ODC1: variants seen among roughly 807,000 people sequenced by gnomAD.
The protein encoded by ODC1 is ornithine decarboxylase 1.
In ODC1, 18 loss-of-function variants were observed where a neutral mutation model predicts 41.5. The ratio of observed to expected loss-of-function variants is 0.43; its 90% CI spans 0.30 to 0.64. The LOEUF is 0.64. Ranked by LOEUF, ODC1 falls within the 30% of genes least tolerant of loss-of-function variation. The probability of loss-of-function intolerance (pLI) is 0.11; values close to 1 mark genes in which losing one functional copy is unlikely to be tolerated. For missense variants in ODC1, 504 were observed against 589.0 expected (o/e 0.86, Z 1.49); for synonymous variants, 218 against 211.6 (o/e 1.03, Z -0.26).
At chr2:10,447,229 G>T (rs559460530) in intron 1 of ODC1, among the ~76,000 whole-genome samples, 2 of 152,286 alleles carry the variant, frequency 1.3e-5, no homozygotes, top group South Asian at 2.1e-4. Context: ...TTCTGTAACA[G>T]CTAAGTTATT....
intron 1 of ODC1, 73 bp from the exon 2 acceptor site, chr2:10,445,337 C>T (rs1465052528): frequency 3.0e-6 from 1 of 330,464 alleles, no homozygotes; most frequent in Non-Finnish European, 5.8e-6. Context: ...ACTGGCTGAG[C>T]ACACGCAGAG....
intron 5 of ODC1, 124 bp downstream of exon 5, chr2:10,443,971 A>G: frequency 6.9e-7 from 1 of 1,458,228 alleles, no homozygotes; most frequent in Admixed American, 2.1e-5. Flanking sequence ...TCATGACTCA[A>G]TGGGGGTTTC....
At chr2:10,446,191 T>C (rs1672007944) in intron 1 of ODC1, among the ~76,000 whole-genome samples, 2 of 149,144 alleles carry the variant, frequency 1.3e-5, no homozygotes. Context: ...TGGAGTGCAA[T>C]GGCATGATCT....
intron 1 of ODC1, chr2:10,447,388 CCAGA>C (rs1421159127): frequency 6.6e-6 from 1 of 152,242 alleles, no homozygotes; most frequent in Admixed American, 6.5e-5. Context: ...TTTGTCCTCC[CCAGA>C]CATTCCTGAG....
Position 10,442,156 on chromosome 2 carries a change from G to T in ODC1, c.769C>A (p.Pro257Thr). The T allele has an allele frequency of 6.2e-7, 1 of 1,606,774 alleles. No individual in the cohort carries two copies. Among genetic ancestry groups the T allele is most frequent in the Non-Finnish European group, 8.5e-7 (1 of 1,177,652 alleles). ...GACGGAAAGTATTTGTCCAACGCTG[G>T]GTTGATTACGCCGGTGATCTAAGAG... ...KFEEITGVIN[P>T]ALDKYFPSDS... The change falls in exon 9 of 12, where the codon CCA becomes ACA. Residue 257 changes from proline to threonine, a missense_variant. Transcript: ENST00000234111.
Position 10,444,659 on chromosome 2 carries a change from G to A in ODC1, c.103-12C>T. ...GCATCCTTATCATCCTGAAACAAGA[G>A]TGGTCACAGGTGACTCACTAGCAGC... On this transcript the variant is annotated splice_polypyrimidine_tract_variant and intron_variant, in intron 3 of 11. Coordinates refer to ENST00000234111, the MANE Select transcript of ODC1 (RefSeq NM_002539.3). 6.2e-7 allele frequency: 1 copy of A among 1,605,496 alleles called. No homozygotes were observed. Among genetic ancestry groups the A allele is most frequent in the Non-Finnish European group, 8.5e-7 (1 of 1,175,560 alleles).
chr2:10,442,919 C>T (rs902550672), intron 8 of ODC1, among the ~76,000 whole-genome samples: 1 of 152,060 alleles, frequency 6.6e-6, no homozygotes, highest in Admixed American at 6.5e-5. Flanking sequence ...CACTGTGTTG[C>T]CCAGGCTGGT....
intron 4 of ODC1, 96 bp downstream of exon 4, chr2:10,444,378 G>A: frequency 6.6e-7 from 1 of 1,505,810 alleles, no homozygotes; most frequent in Non-Finnish European, 8.9e-7. Flanking sequence ...CCTTTAGTGA[G>A]CATTTATTGC....
intron 11 of ODC1, among the ~76,000 whole-genome samples, chr2:10,441,300 A>C (rs895518297): frequency 6.6e-6 from 1 of 152,210 alleles, no homozygotes; most frequent in Non-Finnish European, 1.5e-5. Context: ...TTTGGTAATA[A>C]GGAAACCACA....
Position 10,448,327 on chromosome 2 carries a change from C to T in ODC1, c.-334G>A, listed in dbSNP as rs1672110286. On this transcript the variant is annotated 5_prime_UTR_variant, in exon 1 of 12. Coordinates refer to ENST00000234111, the MANE Select transcript of ODC1 (RefSeq NM_002539.3). ...CGGCGGCGGCTACAGGAGGGACTGA[C>T]AAAGCCCCACGGCACGCCGCTCCCT... 2 of 266,470 alleles carry T rather than the reference C, an allele frequency of 7.5e-6. No homozygotes were observed. The highest frequency in any genetic ancestry group is 7.1e-6 in the Non-Finnish European group (1 of 141,452). The allele number at this position is 266,470 out of a possible 1,614,324, so 16.5% of individuals were successfully genotyped here. A position where few individuals can be genotyped will look rare whatever the true frequency, so the allele number is the denominator to read the frequency against.
rs777256329 is a variant in ODC1 at position 10,441,997 on chromosome 2, G to A, written c.913+15C>T. On this transcript the variant is annotated intron_variant, in intron 9 of 11. Transcript: ENST00000234111. ...CTTTCAGTTATACATGAAGTGATTC[G>A]TCCTTTATACATACCATCAGAGCCC... is the stretch of plus-strand genomic sequence containing the variant. 6.8e-6 allele frequency: 11 copies of A among 1,612,936 alleles called. No individual in the cohort carries two copies. Among genetic ancestry groups the A allele is most frequent in the Admixed American group, 6.7e-5 (4 of 59,964 alleles).
chr2:10,446,527 C>A (rs1672019931), intron 1 of ODC1, among the ~76,000 whole-genome samples: 2 of 152,166 alleles, frequency 1.3e-5, no homozygotes, highest in African/African-American at 4.8e-5. Context: ...CTCGTATTTG[C>A]TTAGCTATGA....
rs776780512 is a variant in ODC1 at position 10,443,839 on chromosome 2, A to C, written c.450-3T>G. ...CAGTGGCAATCCGCAAAACCAACCT[A>C]CAAGCAAGGAAAGTGCAGCAAATGT... is the stretch of plus-strand genomic sequence containing the variant. On this transcript the variant is annotated splice_polypyrimidine_tract_variant and splice_region_variant and intron_variant, in intron 5 of 11. Transcript: ENST00000234111. 1 of 1,613,328 alleles carries C rather than the reference A, an allele frequency of 6.2e-7. No homozygotes were observed. Among genetic ancestry groups the C allele is most frequent in the African/African-American group, 1.3e-5 (1 of 74,918 alleles).
intron 4 of ODC1, 74 bp from the exon 5 acceptor site, chr2:10,444,341 T>C (rs1671941310): frequency 6.6e-7 from 1 of 1,516,256 alleles, no homozygotes; most frequent in Non-Finnish European, 8.9e-7. Context: ...GCATGGGAAG[T>C]TGTCATGTAC....
chr2:10,442,935 ACTCCTGGG>A (rs1174351264), intron 8 of ODC1, among the ~76,000 whole-genome samples: 1 of 148,724 alleles, frequency 6.7e-6, no homozygotes, highest in Non-Finnish European at 1.5e-5. Flanking sequence ...CTGGTCTCAA[ACTCCTGGG>A]CTCAAGTGAT....
Position 10,448,303 on chromosome 2 carries a change from G to C in ODC1, c.-310C>G. The C allele has an allele frequency of 3.9e-6, 1 of 255,074 alleles. No individual in the cohort carries two copies. Among genetic ancestry groups the C allele is most frequent in the East Asian group, 6.7e-5 (1 of 14,866 alleles). The allele number at this position is 255,074 out of a possible 1,614,324, so 15.8% of individuals were successfully genotyped here. ...TGGCAGAGGGGCGGCGGGCGGCGGC[G>C]GCGGCGGCTACAGGAGGGACTGACA... On this transcript the variant is annotated 5_prime_UTR_variant, in exon 1 of 12. Coordinates refer to ENST00000234111, the MANE Select transcript of ODC1 (RefSeq NM_002539.3).
chr2:10,440,939 C>T (rs1671799804), intron 11 of ODC1, 71 bp from the exon 12 acceptor site: 5 of 1,524,754 alleles, frequency 3.3e-6, no homozygotes, highest in East Asian at 2.3e-5. Flanking sequence ...ATTTACTTCC[C>T]ATCAGGAAAC....
chr2:10,440,860 A>G lies in ODC1; in HGVS notation c.1250T>C (p.Met417Thr). ...YVMSGPAWQLMQQFQNPDFPP... is the reference protein window; with the variant it reads ...YVMSGPAWQLTQQFQNPDFPP... ...GAAGTCGGGGTTCTGGAATTGCTGC[A>G]TGAGTTGCCTGAGAAAGAAAAAGTG... Residue 417 changes from methionine to threonine, a missense_variant, in exon 12 of 12, where the codon ATG becomes ACG. By Grantham distance (81) the Met-to-Thr change is moderately conservative. This residue lies in a region of ODC1 where 447 missense variants were observed against 524.4 expected (regional missense o/e 0.85). Coordinates refer to ENST00000234111, the MANE Select transcript of ODC1 (RefSeq NM_002539.3). The G allele has an allele frequency of 6.2e-7, 1 of 1,614,112 alleles. No individual in the cohort carries two copies. Among genetic ancestry groups the G allele is most frequent in the Non-Finnish European group, 8.5e-7 (1 of 1,180,010 alleles).
rs773348913 is a variant in ODC1 at position 10,444,250 on chromosome 2, C to T, written c.294G>A (p.Val98=). The T allele has an allele frequency of 2.0e-5, 32 of 1,588,660 alleles. No homozygotes were observed. The East Asian group carries it at 7.2e-4, about 36-fold the overall frequency. Residue 98 remains valine (V), a synonymous_variant, in exon 5 of 12, where the codon GTG becomes GTA. Transcript: ENST00000234111. ...TCTCTGGAGGCACCCCCAGACTCTG[C>T]ACCAACTGTATTTCAGTCTGAAAAA... The part of the protein sequence containing the change: ...DCASKTEIQL[V]QSLGVPPERI...
Sources: gnomAD v4.1 joint callset for allele counts (sites outside exome capture counted in the v4.1 genomes callset) on GRCh38, gnomAD v4.1.1 for gene constraint, gnomAD v4.1.1 regional missense constraint, MANE v1.5 for transcripts, NCBI Gene and HGNC (gene_info 2026-07-23, HGNC 2026-07-21) for gene names.